Variants in CCDC38 observed in about 807,000 individuals in gnomAD.
The protein encoded by CCDC38 is coiled-coil domain containing 38.
In CCDC38, 69 loss-of-function variants were observed where a neutral mutation model predicts 72.8. That is an observed-to-expected ratio of 0.95 (90% CI 0.78 to 1.16). CCDC38 has a LOEUF of 1.16. Ranked by LOEUF, CCDC38 falls within the 50% of genes most tolerant of loss-of-function variation. The probability of loss-of-function intolerance (pLI) is 0.00; values close to 1 mark genes in which losing one functional copy is unlikely to be tolerated. For missense variants in CCDC38, 626 were observed against 638.9 expected (o/e 0.98, Z 0.22); for synonymous variants, 201 against 213.2 (o/e 0.94, Z 0.50).
At chr12:95,912,906 C>A (rs771710175) in intron 4 of CCDC38, among the ~76,000 whole-genome samples, 1 of 151,834 alleles carries the variant, frequency 6.6e-6, no homozygotes, top group African/African-American at 2.4e-5. Flanking sequence ...CAAAAATATA[C>A]AAAAATTAGC....
At chr12:95,928,504 G>A (rs200004752) in intron 2 of CCDC38, among the ~76,000 whole-genome samples, 6 of 150,698 alleles carry the variant, frequency 4.0e-5, no homozygotes, top group East Asian at 2.0e-4. Flanking sequence ...GTAGCTCGGA[G>A]TAATTTGATC....
intron 15 of CCDC38, among the ~76,000 whole-genome samples, chr12:95,868,232 A>G (rs2079544432): frequency 6.6e-6 from 1 of 152,128 alleles, no homozygotes; most frequent in South Asian, 2.1e-4. Flanking sequence ...TTTTATGCTC[A>G]TTTTTAGTCT....
intron 1 of CCDC38, among the ~76,000 whole-genome samples, chr12:95,937,235 G>C (rs1191460262): frequency 6.6e-6 from 1 of 152,138 alleles, no homozygotes; most frequent in Non-Finnish European, 1.5e-5. Flanking sequence ...GTGTGACCCT[G>C]AGAGCCAGTG....
At chr12:95,868,167 G>A (rs191073941) in intron 15 of CCDC38, among the ~76,000 whole-genome samples, 137 of 152,222 alleles carry the variant, frequency 9.0e-4, no homozygotes, top group African/African-American at 3.0e-3. Flanking sequence ...AGGTCTTTGT[G>A]TGTTGTTGAT....
chr12:95,903,319 C>T lies in CCDC38; in HGVS notation c.369+3068G>A, dbSNP rs962682931. ...TCTTCAGATTTTCTGCAGAGAGGAT[C>T]GTGTTGTCTGTAAATAAAGACAGCT... On this transcript the variant is annotated intron_variant, in intron 5 of 15. Coordinates refer to ENST00000344280, the MANE Select transcript of CCDC38 (RefSeq NM_182496.3). 1.9e-5 allele frequency: 12 copies of T among 626,990 alleles called. 1 individual carries two copies. Among genetic ancestry groups the T allele is most frequent in the East Asian group, 1.1e-4 (4 of 35,448 alleles). 38.8% of individuals were successfully genotyped at this position (626,990 alleles called of 1,614,324 possible). A position where few individuals can be genotyped will look rare whatever the true frequency, so the allele number is the denominator to read the frequency against.
intron 2 of CCDC38, among the ~76,000 whole-genome samples, chr12:95,925,722 C>T (rs1448520192): frequency 1.3e-5 from 2 of 151,942 alleles, no homozygotes; most frequent in African/African-American, 4.8e-5. Context: ...CCCATCAATA[C>T]CTAATTTATT....
intron 8 of CCDC38, among the ~76,000 whole-genome samples, chr12:95,892,516 A>G (rs2079839700): frequency 6.7e-6 from 1 of 150,240 alleles, no homozygotes. Flanking sequence ...GGCTCAAGCA[A>G]TCCTCCCTCC....
chr12:95,915,435 A>G (rs1393542821), intron 4 of CCDC38, among the ~76,000 whole-genome samples: 1 of 152,206 alleles, frequency 6.6e-6, no homozygotes, highest in African/African-American at 2.4e-5. Context: ...CGAAGATGGA[A>G]ATGGCACTTC....
chr12:95,927,409 T>C (rs1211385827), intron 2 of CCDC38, among the ~76,000 whole-genome samples: 1 of 149,308 alleles, frequency 6.7e-6, no homozygotes, highest in Admixed American at 6.7e-5. Context: ...TCCTCCATCC[T>C]TTTATTTTGA....
intron 10 of CCDC38, 25 bp from the exon 11 acceptor site, chr12:95,881,579 A>G (rs1267606976): frequency 3.8e-6 from 6 of 1,593,204 alleles, no homozygotes; most frequent in Non-Finnish European, 4.3e-6. Context: ...AGAAAAAGAA[A>G]ATGTCTGATT....
At chr12:95,936,249 G>A (rs2080392412) in intron 2 of CCDC38, among the ~76,000 whole-genome samples, 1 of 152,154 alleles carries the variant, frequency 6.6e-6, no homozygotes, top group South Asian at 2.1e-4. Flanking sequence ...TGTCATGAGA[G>A]ACTGGGGCAA....
chr12:95,882,805 T>C (rs1456528452), intron 10 of CCDC38, among the ~76,000 whole-genome samples: 1 of 152,194 alleles, frequency 6.6e-6, no homozygotes, highest in Non-Finnish European at 1.5e-5. Flanking sequence ...CTCTCACATC[T>C]CTATCTCTTT....
chr12:95,910,343 T>A (rs914300245), intron 4 of CCDC38, among the ~76,000 whole-genome samples: 1 of 150,658 alleles, frequency 6.6e-6, no homozygotes, highest in African/African-American at 2.5e-5. Flanking sequence ...AAAATACCTA[T>A]GGATATTTGT....
chr12:95,912,394 C>T (rs755107320), intron 4 of CCDC38, among the ~76,000 whole-genome samples: 6 of 151,816 alleles, frequency 4.0e-5, no homozygotes, highest in African/African-American at 9.7e-5. Context: ...CTCATCCCTA[C>T]GTGGAAGCTA....
chr12:95,895,917 G>A (rs1433069806), intron 7 of CCDC38, among the ~76,000 whole-genome samples: 3 of 150,810 alleles, frequency 2.0e-5, no homozygotes, highest in Non-Finnish European at 4.4e-5. Context: ...TTAGCCAGGC[G>A]TGGTGGCGCA....
At chr12:95,933,471 A>G (rs1433803042) in intron 2 of CCDC38, 1 of 152,356 alleles carries the variant, frequency 6.6e-6, no homozygotes, top group African/African-American at 2.4e-5. Flanking sequence ...AGGGAAATGC[A>G]AATAAAGACC....
At chr12:95,868,306 A>G (rs1011153248) in intron 15 of CCDC38, among the ~76,000 whole-genome samples, 2 of 152,014 alleles carry the variant, frequency 1.3e-5, no homozygotes, top group Non-Finnish European at 2.9e-5. Context: ...ACGTCATAAA[A>G]CTCATGGTCT....
chr12:95,913,432 C>T (rs1181153611), intron 4 of CCDC38, among the ~76,000 whole-genome samples: 2 of 152,148 alleles, frequency 1.3e-5, no homozygotes, highest in East Asian at 1.9e-4. Flanking sequence ...GAAGAAGCTT[C>T]GAGAACCACT....
chr12:95,919,036 T>C, intron 2 of CCDC38, 60 bp from the exon 3 acceptor site: 1 of 1,057,788 alleles, frequency 9.5e-7, no homozygotes, highest in Non-Finnish European at 1.5e-6. Flanking sequence ...CTGACCAGAA[T>C]AGTAAGTCTC....
Sources: gnomAD v4.1 joint callset for allele counts (sites outside exome capture counted in the v4.1 genomes callset) on GRCh38, gnomAD v4.1.1 for gene constraint, MANE v1.5 for transcripts, NCBI Gene and HGNC (gene_info 2026-07-23, HGNC 2026-07-21) for gene names.